MTUS2: variants seen among roughly 807,000 people sequenced by gnomAD.
MTUS2 encodes microtubule-associated tumor suppressor candidate 2.
A neutral mutation model predicts 114.1 loss-of-function variants in MTUS2; 40 were observed. The observed-to-expected ratio is 0.35, with a 90% confidence interval of 0.27 to 0.46. The LOEUF is 0.46. MTUS2 is among the 20% of genes least tolerant of loss of function. The probability of loss-of-function intolerance (pLI) is 1.00; values close to 1 mark genes in which losing one functional copy is unlikely to be tolerated. For synonymous variants in MTUS2, 688 were observed against 672.0 expected (o/e 1.02, Z -0.37); for missense variants, 1,679 against 1,705.4 (o/e 0.98, Z 0.27).
intron 2 of MTUS2, among the ~76,000 whole-genome samples, chr13:28,991,273 G>A (rs1306011762): frequency 6.6e-6 from 1 of 152,070 alleles, no homozygotes; most frequent in Non-Finnish European, 1.5e-5. Flanking sequence ...TCAAATGTGT[G>A]TAGGTTAGAC....
At chr13:28,990,630 A>AC (rs1884798494) in intron 2 of MTUS2, among the ~76,000 whole-genome samples, 1 of 152,242 alleles carries the variant, frequency 6.6e-6, no homozygotes, top group Admixed American at 6.5e-5. Flanking sequence ...TTGTAAATGC[A>AC]CCAATCAGCA....
At chr13:29,233,059 G>A (rs566245727) in intron 5 of MTUS2, among the ~76,000 whole-genome samples, 1 of 152,322 alleles carries the variant, frequency 6.6e-6, no homozygotes, top group East Asian at 1.9e-4. Flanking sequence ...TGTGAAAGCA[G>A]AGTTAGTAAA....
At chr13:29,227,078 C>T (rs1424326725) in intron 5 of MTUS2, among the ~76,000 whole-genome samples, 1 of 151,724 alleles carries the variant, frequency 6.6e-6, no homozygotes, top group African/African-American at 2.4e-5. Flanking sequence ...CCCAACATGG[C>T]GAAACCCTGT....
At chr13:28,888,653 C>T (rs1878736120) in intron 2 of MTUS2, among the ~76,000 whole-genome samples, 1 of 152,072 alleles carries the variant, frequency 6.6e-6, no homozygotes, top group South Asian at 2.1e-4. Flanking sequence ...AACTCCTGAC[C>T]TCAGGTGATC....
rs529752500 is a variant in MTUS2, at chr13:28,884,295, A to G, written c.-243+44445A>G. Among the ~76,000 whole-genome samples the G allele has an allele frequency of 5.9e-5, 9 of 152,328 alleles. No homozygotes were observed. In the South Asian group the frequency reaches 1.5e-3, roughly 25 times the overall value. On this transcript the variant is annotated intron_variant, in intron 2 of 15. Coordinates refer to ENST00000612955, the MANE Select transcript of MTUS2 (RefSeq NM_001033602.4). ...GAGGACATGATGCAAAGTGAAATCAACCAGTCACAAATGCACAAATATTGT... is the reference window on the plus strand; with the variant it reads ...GAGGACATGATGCAAAGTGAAATCAGCCAGTCACAAATGCACAAATATTGT...
chr13:28,834,133 A>G (rs541807884), intron 1 of MTUS2, among the ~76,000 whole-genome samples: 9 of 152,262 alleles, frequency 5.9e-5, no homozygotes, highest in African/African-American at 2.2e-4. Flanking sequence ...AATCGCTATC[A>G]AAAACACAGA....
chr13:28,931,150 C>T (rs1275198160), intron 2 of MTUS2, among the ~76,000 whole-genome samples: 1 of 152,230 alleles, frequency 6.6e-6, no homozygotes, highest in Non-Finnish European at 1.5e-5. Context: ...TGACTTTGGG[C>T]ATGGCCCCGT....
intron 2 of MTUS2, among the ~76,000 whole-genome samples, chr13:28,971,919 C>T (rs1453587693): frequency 6.6e-6 from 1 of 152,224 alleles, no homozygotes; most frequent in Non-Finnish European, 1.5e-5. Context: ...CGATGCAATT[C>T]ATGTGCTGCA....
intron 8 of MTUS2, among the ~76,000 whole-genome samples, chr13:29,420,509 C>A (rs986594015): frequency 4.6e-5 from 7 of 152,108 alleles, no homozygotes; most frequent in African/African-American, 1.7e-4. Context: ...AGCTCCTGAC[C>A]TCAAGTGATC....
Position 28,908,576 on chromosome 13 carries a change from A to G in MTUS2, c.-243+68726A>G, listed in dbSNP as rs924321638. The stretch of plus-strand genomic sequence containing the variant: ...TTTGGGTTGGTTCCAAGTCTTTGCT[A>G]TTGTGAATAGTGCCGCAATAAACAT... On this transcript the variant is annotated intron_variant, in intron 2 of 15. Transcript: ENST00000612955. 2.0e-4 allele frequency among the ~76,000 whole-genome samples: 30 copies of G among 151,588 alleles called. 1 individual carries two copies. Among genetic ancestry groups the G allele is most frequent in the African/African-American group, 7.3e-4 (30 of 41,118 alleles).
At chr13:29,375,589 G>GTATA (rs1224844857) in intron 8 of MTUS2, among the ~76,000 whole-genome samples, 1 of 3,562 alleles carries the variant, frequency 2.8e-4, no homozygotes, top group African/African-American at 8.7e-4. Context: ...ATATATATAC[G>GTATA]TATATATATA....
chr13:29,140,860 CAAAGT>C (rs1406727380), intron 5 of MTUS2, among the ~76,000 whole-genome samples: 2 of 152,080 alleles, frequency 1.3e-5, no homozygotes, highest in Admixed American at 1.3e-4. Flanking sequence ...GAAAACACAG[CAAAGT>C]ATATGCTCAT....
In MTUS2 at chr13:29,040,082, C is replaced by T. The variant is rs569776892; in HGVS notation, c.2446+5957C>T. On this transcript the variant is annotated intron_variant, in intron 4 of 15. Coordinates refer to ENST00000612955, the MANE Select transcript of MTUS2 (RefSeq NM_001033602.4). The stretch of plus-strand genomic sequence containing the variant: ...GTGCACCCATTATTCAAGCAGTGTA[C>T]ACTGCACCTGATGTGTAATCTTTTA... Among the ~76,000 whole-genome samples the T allele has an allele frequency of 2.6e-5, 4 of 152,324 alleles. No homozygotes were observed. The East Asian group carries it at 7.7e-4, about 29-fold the overall frequency.
At chr13:29,007,940 T>C (rs1010699449) in intron 2 of MTUS2, among the ~76,000 whole-genome samples, 1 of 152,192 alleles carries the variant, frequency 6.6e-6, no homozygotes, top group Admixed American at 6.5e-5. Context: ...ACTCCCACGT[T>C]GTTCAGGCGT....
At chr13:28,931,333 T>C (rs7988753) in intron 2 of MTUS2, among the ~76,000 whole-genome samples, 12,763 of 152,258 alleles carry the variant, frequency 0.084, 601 homozygotes, top group South Asian at 0.13. Context: ...CACCCAAATC[T>C]CAACTTCCCC....
rs114347394 is a variant in MTUS2, at chr13:29,258,089, A to C, written c.2645-23615A>C. On this transcript the variant is annotated intron_variant, in intron 5 of 15. Coordinates refer to ENST00000612955, the MANE Select transcript of MTUS2 (RefSeq NM_001033602.4). Reference sequence around the variant, plus strand: ...ACTTAGCTGCTAAAAACACCTATTGAGTAGCTCACATGCAGAAGAGCTGAG... The same window carrying C: ...ACTTAGCTGCTAAAAACACCTATTGCGTAGCTCACATGCAGAAGAGCTGAG... Among the ~76,000 whole-genome samples, 1,325 of 152,352 alleles carry C rather than the reference A, an allele frequency of 8.7e-3. 11 individuals carry two copies. The highest frequency in any genetic ancestry group is 0.031 in the African/African-American group (1,278 of 41,584).
intron 8 of MTUS2, among the ~76,000 whole-genome samples, chr13:29,402,652 A>G (rs1008788879): frequency 1.3e-5 from 2 of 152,068 alleles, no homozygotes; most frequent in African/African-American, 4.8e-5. Flanking sequence ...TGCCAGAGCT[A>G]TTTTGTCTCC....
intron 8 of MTUS2, 101 bp from the exon 9 acceptor site, chr13:29,439,882 C>G: frequency 1.1e-6 from 1 of 946,992 alleles, no homozygotes; most frequent in South Asian, 1.5e-5. Flanking sequence ...AAGGACTAGA[C>G]TTATAAATAT....
chr13:29,119,440 C>T (rs1891219253), intron 5 of MTUS2, among the ~76,000 whole-genome samples: 1 of 152,020 alleles, frequency 6.6e-6, no homozygotes. Context: ...GCATATATGA[C>T]AAAAAGTTTT....
Sources: gnomAD v4.1 joint callset for allele counts (sites outside exome capture counted in the v4.1 genomes callset) on GRCh38, gnomAD v4.1.1 for gene constraint, MANE v1.5 for transcripts, NCBI Gene and HGNC (gene_info 2026-07-23, HGNC 2026-07-21) for gene names.